The following NTM variants were observed in gnomAD, a reference collection of about 807,000 sequenced individuals.
The protein encoded by NTM is IgLON family member 2.
In NTM, 13 loss-of-function variants were observed where a neutral mutation model predicts 42.1. That is an observed-to-expected ratio of 0.31 (90% confidence interval 0.20 to 0.49). The LOEUF (loss-of-function observed/expected upper bound fraction) is 0.49. Among genes scored for constraint, NTM ranks in the 20% least tolerant of loss-of-function variants. The pLI, the probability that NTM is intolerant of heterozygous loss-of-function variation, is 0.99. For missense variants in NTM, 373 were observed against 452.8 expected (o/e 0.82, Z 1.60); for synonymous variants, 187 against 179.2 (o/e 1.04, Z -0.35).
At chr11:131,440,603 G>T (rs1042701109) in intron 1 of NTM, among the ~76,000 whole-genome samples, 1 of 151,870 alleles carries the variant, frequency 6.6e-6, no homozygotes, top group Non-Finnish European at 1.5e-5. Flanking sequence ...CCCTGAAAGT[G>T]CATCTCTAAC....
intron 1 of NTM, among the ~76,000 whole-genome samples, chr11:131,758,279 G>A (rs983354259): frequency 1.4e-5 from 2 of 146,696 alleles, no homozygotes; most frequent in Non-Finnish European, 1.5e-5. Flanking sequence ...CGCCAACCCC[G>A]CTAGCTAATT....
At chr11:131,584,191 C>G (rs2058658684) in intron 1 of NTM, among the ~76,000 whole-genome samples, 1 of 152,216 alleles carries the variant, frequency 6.6e-6, no homozygotes, top group South Asian at 2.1e-4. Flanking sequence ...CTGCCCTGTG[C>G]TTTTCCTAAG....
In NTM at chr11:131,965,029, G is replaced by A. The variant is rs112073316; in HGVS notation, c.167+53381G>A. ...CAAGAGGAGAGGATGGGAGGATTAC[G>A]CTGGAACCTGGGGAAGAAAAGGGAG... On this transcript the variant is annotated intron_variant, in intron 2 of 8. Transcript: ENST00000683400. Among the ~76,000 whole-genome samples, 1,061 of 152,166 alleles carry A rather than the reference G, an allele frequency of 7.0e-3. 5 individuals are homozygous for A. The highest frequency in any genetic ancestry group is 0.013 in the Admixed American group (200 of 15,264).
At chr11:131,424,600 C>CTTTTTTT (rs769740331) in intron 1 of NTM, among the ~76,000 whole-genome samples, 1,063 of 55,862 alleles carry the variant, frequency 0.019, 156 homozygotes, top group Non-Finnish European at 0.021. Flanking sequence ...CTTTTCTTTT[C>CTTTTTTT]TTTTTTTTTT....
At chr11:131,766,737 A>G (rs957378511) in intron 1 of NTM, among the ~76,000 whole-genome samples, 1 of 152,162 alleles carries the variant, frequency 6.6e-6, no homozygotes, top group Non-Finnish European at 1.5e-5. Context: ...AATATAAATG[A>G]CATTATTTAT....
At position 131,929,644 on chromosome 11, in the gene NTM, A is replaced by G. The variant is rs140562502; in HGVS notation, c.167+17996A>G. On this transcript the variant is annotated intron_variant, in intron 2 of 8. Transcript: ENST00000683400. The stretch of plus-strand genomic sequence containing the variant: ...CCATTGTTTTAAGCACTTAACTGTG[A>G]TACAGGACAAAGCTCATTTCTGCAG... Among the ~76,000 whole-genome samples the G allele has an allele frequency of 3.6e-3, 542 of 152,182 alleles. 1 individual carries two copies. Among genetic ancestry groups the G allele is most frequent in the Non-Finnish European group, 5.8e-3 (393 of 68,010 alleles).
At chr11:131,402,894 A>G (rs1301942145) in intron 1 of NTM, among the ~76,000 whole-genome samples, 1 of 152,210 alleles carries the variant, frequency 6.6e-6, no homozygotes, top group Non-Finnish European at 1.5e-5. Context: ...GGTGTTGTCC[A>G]GAAGGAGAAA....
intron 1 of NTM, among the ~76,000 whole-genome samples, chr11:131,450,199 C>T (rs1463400151): frequency 6.6e-6 from 1 of 152,194 alleles, no homozygotes; most frequent in Non-Finnish European, 1.5e-5. Flanking sequence ...CCAGGTCCCA[C>T]CTTCCCTCCT....
chr11:131,370,901 T>A lies in NTM; in HGVS notation c.82+13T>A. 1 of 1,613,464 alleles carries A rather than the reference T, an allele frequency of 6.2e-7. No individual in the cohort carries two copies. The highest frequency in any genetic ancestry group is 8.5e-7 in the Non-Finnish European group (1 of 1,179,858). On this transcript the variant is annotated intron_variant, in intron 1 of 8. Transcript: ENST00000683400. ...TGTCTCTTCCAAGGTAAGAGCTTGC[T>A]ATTGATTTGCCTTCGGTAGACCCAG... is the stretch of plus-strand genomic sequence containing the variant.
chr11:131,609,704 G>C (rs2061317369), intron 1 of NTM, among the ~76,000 whole-genome samples: 2 of 152,190 alleles, frequency 1.3e-5, no homozygotes, highest in Admixed American at 1.3e-4. Flanking sequence ...CTTATTTGCA[G>C]AATGTGTAAA....
chr11:131,396,941 C>G lies in NTM; in HGVS notation c.82+26053C>G, dbSNP rs565887273. On this transcript the variant is annotated intron_variant, in intron 1 of 8. Transcript: ENST00000683400. ...TCTCTGGGCCTCATTTCCCTTACTT[C>G]TGGACTCTATATTTTTAAGACGCCA... 6.0e-4 allele frequency among the ~76,000 whole-genome samples: 92 copies of G among 152,160 alleles called. 2 individuals carry two copies. In the South Asian group the frequency reaches 0.019, roughly 31 times the overall value.
At chr11:132,174,440 G>A (rs1294350225) in intron 3 of NTM, among the ~76,000 whole-genome samples, 3 of 152,230 alleles carry the variant, frequency 2.0e-5, no homozygotes, top group South Asian at 2.1e-4. Context: ...AGTTAAGAAT[G>A]TACCTTGCTA....
chr11:131,657,478 T>C (rs551280108), intron 1 of NTM, among the ~76,000 whole-genome samples: 1 of 152,378 alleles, frequency 6.6e-6, no homozygotes, highest in Admixed American at 6.5e-5. Flanking sequence ...GAAGTTTTTG[T>C]TGATGGTCTC....
chr11:132,269,870 A>G (rs966460736), intron 4 of NTM, among the ~76,000 whole-genome samples: 2 of 152,186 alleles, frequency 1.3e-5, no homozygotes, highest in Non-Finnish European at 1.5e-5. Context: ...TGGTTTTAAA[A>G]CTCAACTTTA....
At chr11:132,022,068 C>T (rs1478385093) in intron 2 of NTM, among the ~76,000 whole-genome samples, 1 of 152,210 alleles carries the variant, frequency 6.6e-6, no homozygotes, top group Non-Finnish European at 1.5e-5. Context: ...TGTGGTGTCA[C>T]TCACCATTCA....
At chr11:132,171,652 C>T (rs2076138001) in intron 3 of NTM, among the ~76,000 whole-genome samples, 1 of 152,202 alleles carries the variant, frequency 6.6e-6, no homozygotes, top group South Asian at 2.1e-4. Context: ...TGTCCTTTCA[C>T]ACACTTGGAA....
intron 1 of NTM, among the ~76,000 whole-genome samples, chr11:131,766,844 A>G (rs1342329948): frequency 6.6e-6 from 1 of 152,158 alleles, no homozygotes; most frequent in African/African-American, 2.4e-5. Context: ...CCACGTGAGT[A>G]ACGGGGCCCG....
intron 1 of NTM, among the ~76,000 whole-genome samples, chr11:131,721,383 A>T (rs2078311580): frequency 6.6e-6 from 1 of 152,118 alleles, no homozygotes. Flanking sequence ...AACCATTCAG[A>T]GTCTCAGTTT....
At chr11:132,039,322 G>A (rs1328317367) in intron 2 of NTM, among the ~76,000 whole-genome samples, 2 of 151,654 alleles carry the variant, frequency 1.3e-5, no homozygotes, top group Non-Finnish European at 2.9e-5. Flanking sequence ...GTTACTCCCT[G>A]CTTGCTTGTA....
Sources: gnomAD v4.1 joint callset for allele counts (sites outside exome capture counted in the v4.1 genomes callset) on GRCh38, gnomAD v4.1.1 for gene constraint, MANE v1.5 for transcripts, NCBI Gene and HGNC (gene_info 2026-07-23, HGNC 2026-07-21) for gene names.